Variants in TP63 observed in about 807,000 individuals in gnomAD.
TP63 encodes tumor protein 63.
In TP63, 17 loss-of-function variants were observed where a neutral mutation model predicts 82.8. That is an observed-to-expected ratio of 0.21 (90% confidence interval 0.14 to 0.31). The LOEUF (loss-of-function observed/expected upper bound fraction) is 0.31, where lower values mean the gene tolerates loss of function less well. TP63 is among the 10% of genes least tolerant of loss of function. The pLI, the probability that TP63 is intolerant of heterozygous loss-of-function variation, is 1.00. For synonymous variants in TP63, 330 were observed against 321.7 expected (o/e 1.03, Z -0.28); for missense variants, 648 against 895.3 (o/e 0.72, Z 3.52).
chr3:189,742,591 T>C (rs2108509217), intron 3 of TP63, among the ~76,000 whole-genome samples: 1 of 152,304 alleles, frequency 6.6e-6, no homozygotes, highest in Middle Eastern at 3.4e-3. Flanking sequence ...CTATGTAGCT[T>C]ATTTGTGTCT....
intron 1 of TP63, 73 bp downstream of exon 1, chr3:189,631,650 G>C: frequency 1.2e-6 from 2 of 1,608,828 alleles, no homozygotes; most frequent in Non-Finnish European, 1.7e-6. Context: ...TGTGTCAGCT[G>C]TGTACAAAGA....
chr3:189,673,772 A>G (rs1384434169), intron 1 of TP63, among the ~76,000 whole-genome samples: 9 of 152,242 alleles, frequency 5.9e-5, no homozygotes, highest in East Asian at 1.9e-4. Flanking sequence ...CACTTCTGCA[A>G]TTTACTTAGC....
intron 3 of TP63, among the ~76,000 whole-genome samples, chr3:189,740,656 C>T (rs1278446923): frequency 6.6e-6 from 1 of 152,118 alleles, no homozygotes; most frequent in African/African-American, 2.4e-5. Context: ...TGTGCCACCA[C>T]ACCCGGCTGA....
chr3:189,669,783 A>G (rs1005214702), intron 1 of TP63, among the ~76,000 whole-genome samples: 2 of 152,060 alleles, frequency 1.3e-5, no homozygotes, highest in East Asian at 1.9e-4. Context: ...AAAGAGATAT[A>G]GTAAAGCAAG....
At chr3:189,656,528 T>C (rs1577186425) in intron 1 of TP63, among the ~76,000 whole-genome samples, 1 of 152,206 alleles carries the variant, frequency 6.6e-6, no homozygotes, top group East Asian at 1.9e-4. Context: ...TCACATTAAA[T>C]GTGAATGGTT....
At chr3:189,707,388 A>G (rs959442702) in intron 1 of TP63, among the ~76,000 whole-genome samples, 4 of 152,176 alleles carry the variant, frequency 2.6e-5, no homozygotes, top group Non-Finnish European at 5.9e-5. Flanking sequence ...TTGCCAGAAT[A>G]TTATAAACCC....
At position 189,646,466 on chromosome 3, in the gene TP63, A is replaced by C. The variant is rs367685908; in HGVS notation, c.62+14889A>C. ...TACTTCACATATGGTATTTACATTT[A>C]CTTACTTCAATGACTAAACTTTTAA... is the stretch of plus-strand genomic sequence containing the variant. On this transcript the variant is annotated intron_variant, in intron 1 of 13. Coordinates refer to ENST00000264731, the MANE Select transcript of TP63 (RefSeq NM_003722.5). 3.7e-4 allele frequency among the ~76,000 whole-genome samples: 55 copies of C among 147,660 alleles called. 7 individuals carry two copies. Among genetic ancestry groups the C allele is most frequent in the African/African-American group, 1.3e-3 (53 of 39,570 alleles).
At chr3:189,720,241 C>T (rs1156487679) in intron 1 of TP63, among the ~76,000 whole-genome samples, 1 of 152,168 alleles carries the variant, frequency 6.6e-6, no homozygotes, top group African/African-American at 2.4e-5. Context: ...ATCAAAGAAC[C>T]AGGCCAAGGA....
chr3:189,613,506 G>T, the TP63 span, among the ~76,000 whole-genome samples: 2 of 152,216 alleles, frequency 1.3e-5, no homozygotes, highest in South Asian at 4.1e-4. Flanking sequence ...GGAGAACCTC[G>T]GCTTGGGCAG....
At chr3:189,673,305 G>T (rs1715093918) in intron 1 of TP63, among the ~76,000 whole-genome samples, 1 of 152,108 alleles carries the variant, frequency 6.6e-6, no homozygotes, top group Non-Finnish European at 1.5e-5. Flanking sequence ...TCTACTTAAT[G>T]ATTGAAGAAA....
chr3:189,877,643 T>C (rs923862086), intron 10 of TP63, among the ~76,000 whole-genome samples: 2 of 152,210 alleles, frequency 1.3e-5, no homozygotes, highest in Non-Finnish European at 2.9e-5. Flanking sequence ...GGCTCATTAG[T>C]AACACAAGTC....
chr3:189,680,579 T>C (rs550787560), intron 1 of TP63, among the ~76,000 whole-genome samples: 1 of 152,304 alleles, frequency 6.6e-6, no homozygotes, highest in South Asian at 2.1e-4. Context: ...AAAAGCATCA[T>C]ACACCATGAT....
chr3:189,809,746 G>A (rs1350667152), intron 4 of TP63, among the ~76,000 whole-genome samples: 8 of 152,182 alleles, frequency 5.3e-5, no homozygotes, highest in Admixed American at 1.3e-4. Flanking sequence ...TGATCGGCAT[G>A]CCTAAGACCT....
At chr3:189,635,775 T>A (rs1362101154) in intron 1 of TP63, among the ~76,000 whole-genome samples, 1 of 152,150 alleles carries the variant, frequency 6.6e-6, no homozygotes, top group Non-Finnish European at 1.5e-5. Context: ...ATCTTTTTTC[T>A]TGCCAGTATC....
chr3:189,745,180 C>T (rs1334764896), intron 3 of TP63, among the ~76,000 whole-genome samples: 1 of 152,050 alleles, frequency 6.6e-6, no homozygotes. Context: ...ACCAGATGTG[C>T]AGATATCAAT....
chr3:189,815,512 AAATT>A (rs1366141372), intron 4 of TP63, among the ~76,000 whole-genome samples: 3 of 152,244 alleles, frequency 2.0e-5, no homozygotes, highest in South Asian at 4.1e-4. Flanking sequence ...TTAAAATATT[AAATT>A]AATTATCACA....
In TP63 at chr3:189,643,455, TAAA is replaced by T. The variant is rs71635306; in HGVS notation, c.62+11888_62+11890del. On this transcript the variant is annotated intron_variant, in intron 1 of 13. Transcript: ENST00000264731. ...TTCAAAAGCTATCCTTTAAACTGATTAAAAAAAAAAAACCCTCAATGCTTTTGC... is the reference window on the plus strand; with the variant it reads ...TTCAAAAGCTATCCTTTAAACTGATTAAAAAAAAACCCTCAATGCTTTTGC... Among the ~76,000 whole-genome samples, 99 of 122,974 alleles carry T rather than the reference TAAA, an allele frequency of 8.1e-4. 1 individual carries two copies. The South Asian group carries it at 9.5e-3, about 12-fold the overall frequency. The allele number at this position is 122,974 out of a possible 152,430, so 80.7% of individuals were successfully genotyped here.
At chr3:189,691,337 T>G (rs1207331308) in intron 1 of TP63, among the ~76,000 whole-genome samples, 1 of 32,050 alleles carries the variant, frequency 3.1e-5, no homozygotes, top group African/African-American at 9.9e-5. Flanking sequence ...AGACTCCATC[T>G]CAAAAAAAAA....
intron 1 of TP63, among the ~76,000 whole-genome samples, chr3:189,731,917 T>A (rs1207726430): frequency 6.6e-6 from 1 of 152,228 alleles, no homozygotes; most frequent in Non-Finnish European, 1.5e-5. Context: ...CCAGCTAATC[T>A]TTTTCCTCTT....
Sources: gnomAD v4.1 joint callset for allele counts (sites outside exome capture counted in the v4.1 genomes callset) on GRCh38, gnomAD v4.1.1 for gene constraint, MANE v1.5 for transcripts, NCBI Gene and HGNC (gene_info 2026-07-23, HGNC 2026-07-21) for gene names.